DDO: variants seen among roughly 807,000 people sequenced by gnomAD.
DDO encodes the protein D-aspartate oxidase, also known as D-aspartate oxidase, DDO.
In DDO, 16 loss-of-function variants were observed where a neutral mutation model predicts 16.8. The ratio of observed to expected loss-of-function variants is 0.95; its 90% CI spans 0.65 to 1.45. DDO has a LOEUF of 1.45. Among genes scored for constraint, DDO ranks in the 40% most tolerant of loss-of-function variants. The probability of loss-of-function intolerance (pLI) is 0.00; values close to 1 mark genes in which losing one functional copy is unlikely to be tolerated. For synonymous variants in DDO, 180 were observed against 167.2 expected, an observed-to-expected ratio of 1.08 and a Z score of -0.59; for missense variants, 429 against 420.3, an observed-to-expected ratio of 1.02 and a Z score of -0.18.
At chr6:110,391,598 G>A (rs545258106), downstream of DDO, among the ~76,000 whole-genome samples, 5 of 151,994 alleles carry the variant, frequency 3.3e-5, no homozygotes, top group Admixed American at 6.6e-5. Flanking sequence ...GCCTCCCAAA[G>A]TGCTGGGATT....
chr6:110,391,026 A>T (rs73529136), downstream of DDO, among the ~76,000 whole-genome samples: 2,405 of 152,006 alleles, frequency 0.016, 56 homozygotes, highest in African/African-American at 0.055. Context: ...ATACAACACC[A>T]CCCCCTGGTG....
chr6:110,408,566 CAGGG>C, intron 2 of DDO, 124 bp from the exon 3 acceptor site: 1 of 741,962 alleles, frequency 1.3e-6, no homozygotes, highest in South Asian at 1.9e-5. Context: ...AATAAGGAGG[CAGGG>C]AGGAACATTA....
intron 4 of DDO, among the ~76,000 whole-genome samples, chr6:110,397,347 G>GA (rs999133703): frequency 4.6e-5 from 7 of 152,088 alleles, no homozygotes; most frequent in Admixed American, 3.9e-4. Flanking sequence ...TTTCAATTTT[G>GA]AAAAGTTTTA....
chr6:110,413,633 C>T (rs1023892709), intron 1 of DDO, among the ~76,000 whole-genome samples, 167 bp from the exon 2 acceptor site: 1 of 152,142 alleles, frequency 6.6e-6, no homozygotes, highest in African/African-American at 2.4e-5. Context: ...AGCTCACTTT[C>T]CATTAAATAT....
chr6:110,411,338 A>G (rs1318776406), intron 2 of DDO, among the ~76,000 whole-genome samples: 2 of 152,220 alleles, frequency 1.3e-5, no homozygotes, highest in Non-Finnish European at 2.9e-5. Context: ...CCACACGGCC[A>G]AGAAAAACCT....
intron 1 of DDO, among the ~76,000 whole-genome samples, chr6:110,413,813 G>A (rs1047112843): frequency 1.3e-5 from 2 of 151,784 alleles, no homozygotes; most frequent in African/African-American, 2.4e-5. Flanking sequence ...TTGCTCTGTT[G>A]CCCAGCCTGG....
At chr6:110,407,672 T>C (rs1773703693) in intron 3 of DDO, among the ~76,000 whole-genome samples, 1 of 152,232 alleles carries the variant, frequency 6.6e-6, no homozygotes, top group South Asian at 2.1e-4. Context: ...TGATAGAATA[T>C]TAAGTGATCT....
chr6:110,395,790 C>A (rs542269323), intron 4 of DDO, among the ~76,000 whole-genome samples: 2 of 152,132 alleles, frequency 1.3e-5, no homozygotes, highest in Non-Finnish European at 2.9e-5. Flanking sequence ...TCTAACTTTC[C>A]GCCCCACTTC....
At chr6:110,413,072 G>A (rs549923974) in intron 2 of DDO, among the ~76,000 whole-genome samples, 1 of 152,256 alleles carries the variant, frequency 6.6e-6, no homozygotes, top group South Asian at 2.1e-4. Context: ...GAGCCTGGGA[G>A]GTTGAGGCTG....
chr6:110,394,084 A>G (rs528856287), intron 4 of DDO, among the ~76,000 whole-genome samples: 92 of 151,972 alleles, frequency 6.1e-4, no homozygotes, highest in African/African-American at 2.1e-3. Flanking sequence ...ATCACCATCC[A>G]TATGCACTAT....
At chr6:110,398,383 TACACACACACAC>T (rs372325600) in intron 4 of DDO, among the ~76,000 whole-genome samples, 23 of 110,214 alleles carry the variant, frequency 2.1e-4, no homozygotes, top group African/African-American at 4.8e-4. Context: ...CTTAAATGCG[TACACACACACAC>T]ACACACACAC....
chr6:110,409,040 G>A (rs1255512625), intron 2 of DDO, among the ~76,000 whole-genome samples: 1 of 152,202 alleles, frequency 6.6e-6, no homozygotes, highest in African/African-American at 2.4e-5. Context: ...CCCAGCAGGG[G>A]CTGCCATTAC....
At chr6:110,403,006 T>G (rs1328028506) in intron 4 of DDO, among the ~76,000 whole-genome samples, 2 of 152,142 alleles carry the variant, frequency 1.3e-5, no homozygotes, top group African/African-American at 4.8e-5. Flanking sequence ...ATGGACTTGG[T>G]GGCAATAATG....
In DDO at chr6:110,400,585, C is replaced by A. The variant is rs144357380; in HGVS notation, c.458+4189G>T. On this transcript the variant is annotated intron_variant, in intron 4 of 4. Coordinates refer to ENST00000368924, the MANE Select transcript of DDO (RefSeq NM_001372108.2). ...CTCCCTGCCCCATCAGAACTCTCCT[C>A]ATCTCCCCAGGGCCTTATCAACAAT... Among the ~76,000 whole-genome samples, 1,038 of 152,364 alleles carry A rather than the reference C, an allele frequency of 6.8e-3. 3 individuals carry two copies. The highest frequency in any genetic ancestry group is 0.012 in the Non-Finnish European group (804 of 68,040).
chr6:110,398,410 AC>A (rs57212672), intron 4 of DDO, among the ~76,000 whole-genome samples: 7 of 149,380 alleles, frequency 4.7e-5, no homozygotes, highest in Admixed American at 1.3e-4. Context: ...ACACACACAC[AC>A]ACACACACAC....
rs1217352493 is a variant in DDO at position 110,413,513 on chromosome 6, C to T, written c.-4-47G>A. ...CTATACCCCTTGTTTTAAGGATTTT[C>T]CCATCCAGACAAAGTTTGGTCTTGA... On this transcript the variant is annotated intron_variant, in intron 1 of 4. Transcript: ENST00000368924. 5 of 1,583,384 alleles carry T rather than the reference C, an allele frequency of 3.2e-6. No individual in the cohort carries two copies. The African/African-American group carries it at 5.4e-5, about 17-fold the overall frequency.
rs1456620948 is a variant in DDO, at chr6:110,404,791, G to A, written c.441C>T (p.Leu147=). The A allele has an allele frequency of 2.7e-5, 44 of 1,613,964 alleles. No homozygotes were observed. The highest frequency in any genetic ancestry group is 3.4e-5 in the Non-Finnish European group (40 of 1,180,002). ...TTLKCECPAY[L]PWLEKRIKGS... ...CAACTGACCTTTTCTCCAACCACGG[G>A]AGGTAGGCAGGGCATTCACATTTCA... Residue 147 remains leucine (L), a synonymous_variant, in exon 4 of 5, where the codon CTC becomes CTT. Coordinates refer to ENST00000368924, the MANE Select transcript of DDO (RefSeq NM_001372108.2).
rs565155542 is a variant in DDO, at chr6:110,409,771, C to T, written c.173-1329G>A. ...CCTCAAATAGACTTTACCCAACAAT[C>T]TATGCCACTGTGTGAGGTTGTATTA... On this transcript the variant is annotated intron_variant, in intron 2 of 4. Coordinates refer to ENST00000368924, the MANE Select transcript of DDO (RefSeq NM_001372108.2). Among the ~76,000 whole-genome samples the T allele has an allele frequency of 3.3e-5, 5 of 152,316 alleles. No individual in the cohort carries two copies. In the East Asian group the frequency reaches 9.7e-4, roughly 29 times the overall value.
chr6:110,396,055 G>C (rs1773280056), intron 4 of DDO, among the ~76,000 whole-genome samples: 1 of 152,158 alleles, frequency 6.6e-6, no homozygotes, highest in African/African-American at 2.4e-5. Context: ...GAGAAAGAGA[G>C]AGAATGCCTC....
Sources: gnomAD v4.1 joint callset for allele counts (sites outside exome capture counted in the v4.1 genomes callset) on GRCh38, gnomAD v4.1.1 for gene constraint, MANE v1.5 for transcripts, NCBI Gene and HGNC (gene_info 2026-07-23, HGNC 2026-07-21) for gene names.